The following CBR3 variants were observed in gnomAD, a reference collection of about 807,000 sequenced individuals.
CBR3 encodes the protein carbonyl reductase 3.
CBR3 carries 14 observed loss-of-function variants against 11.6 expected under a neutral mutation model. The ratio of observed to expected loss-of-function variants is 1.20; its 90% CI spans 0.79 to 1.88. CBR3 has a LOEUF of 1.88. Among genes scored for constraint, CBR3 ranks in the 40% most tolerant of loss-of-function variants. The pLI is 0.00. For synonymous variants in CBR3, 125 were observed against 145.6 expected, an observed-to-expected ratio of 0.86 and a Z score of 1.02; for missense variants, 308 against 357.3, an observed-to-expected ratio of 0.86 and a Z score of 1.11.
In CBR3 at chr21:36,146,263, G is replaced by C; in HGVS notation, c.585G>C (p.Gly195=). The C allele has an allele frequency of 1.2e-6, 2 of 1,614,144 alleles. No individual in the cohort carries two copies. Among genetic ancestry groups the C allele is most frequent in the African/African-American group, 1.3e-5 (1 of 75,040 alleles). The part of the protein sequence containing the change: ...EREGWPNSPY[G]VSKLGVTVLS... ...AAGGCTGGCCCAACTCACCTTATGG[G>C]GTGTCCAAGTTGGGGGTCACGGTCT... is the stretch of plus-strand genomic sequence containing the variant. The change falls in exon 3 of 3, where the codon GGG becomes GGC. Residue 195 remains glycine (G), a synonymous_variant. Transcript: ENST00000290354.
At chr21:36,136,645 G>A (rs1056756419) in intron 1 of CBR3, among the ~76,000 whole-genome samples, 2 of 152,078 alleles carry the variant, frequency 1.3e-5, no homozygotes, top group East Asian at 1.9e-4. Context: ...TGCCTTTCAA[G>A]GTATGGGGAA....
Position 36,146,146 on chromosome 21 carries a change from A to G in CBR3, c.468A>G (p.Glu156=). The change falls in exon 3 of 3, where the codon GAA becomes GAG. Residue 156 remains glutamate (E), a synonymous_variant. Transcript: ENST00000290354. ...AFENCSEDLQ[E]RFHSETLTEG... ...AAAACTGCAGTGAAGATCTGCAGGA[A>G]AGGTTCCACAGTGAGACACTCACAG... The G allele has an allele frequency of 6.2e-7, 1 of 1,613,978 alleles. No homozygotes were observed. Among genetic ancestry groups the G allele is most frequent in the East Asian group, 2.2e-5 (1 of 44,870 alleles).
At chr21:36,141,842 AG>A (rs1364478721) in intron 2 of CBR3, 1 of 766,148 alleles carries the variant, frequency 1.3e-6, no homozygotes, top group African/African-American at 1.9e-5. Context: ...TCCCCTTAAG[AG>A]GATTTATTTC....
At chr21:36,143,266 G>A (rs780931276) in intron 2 of CBR3, among the ~76,000 whole-genome samples, 55 of 151,628 alleles carry the variant, frequency 3.6e-4, no homozygotes, top group Admixed American at 8.6e-4. Flanking sequence ...TCGCGCCACT[G>A]CACTCCAGCC....
intron 2 of CBR3, among the ~76,000 whole-genome samples, chr21:36,143,879 C>CA (rs35169663): frequency 0.01 from 933 of 91,828 alleles, 14 homozygotes; most frequent in Non-Finnish European, 0.012. Flanking sequence ...GATTCTGTCT[C>CA]AAAAAAAAAA....
intron 2 of CBR3, chr21:36,138,164 T>C (rs1325900876): frequency 2.2e-6 from 1 of 450,446 alleles, no homozygotes; most frequent in Admixed American, 3.6e-5. Context: ...GGGTGGGTGG[T>C]GGGAAGAAAT....
At chr21:36,137,503 A>AAAGAAAGG (rs1331218142) in intron 1 of CBR3, 25 of 189,200 alleles carry the variant, frequency 1.3e-4, no homozygotes, top group African/African-American at 5.6e-4. Flanking sequence ...GAAAAGAAAG[A>AAAGAAAGG]AAGGAAGGAA....
intron 2 of CBR3, 109 bp from the exon 3 acceptor site, chr21:36,145,960 CAAAAAAA>C: frequency 1.1e-5 from 5 of 451,106 alleles, no homozygotes; most frequent in South Asian, 2.5e-5. Flanking sequence ...GACTCTGTCT[CAAAAAAA>C]AAAAAAAAAA....
intron 2 of CBR3, among the ~76,000 whole-genome samples, chr21:36,142,208 G>A (rs992663799): frequency 6.6e-5 from 10 of 151,980 alleles, no homozygotes; most frequent in South Asian, 2.1e-4. Context: ...CAAGGCGGGC[G>A]GATCATGAGG....
At chr21:36,140,180 C>T (rs1481604175) in intron 2 of CBR3, among the ~76,000 whole-genome samples, 1 of 152,074 alleles carries the variant, frequency 6.6e-6, no homozygotes, top group Non-Finnish European at 1.5e-5. Flanking sequence ...TGAGCCACCG[C>T]ACTCAGACGC....
chr21:36,141,382 A>G (rs1568980784), intron 2 of CBR3: 1 of 152,156 alleles, frequency 6.6e-6, no homozygotes, highest in Non-Finnish European at 1.5e-5. Flanking sequence ...GTCATCTAAC[A>G]CAAAGCCTAT....
chr21:36,142,431 C>CAAAAAAAAAAAAAA (rs71326645), intron 2 of CBR3, among the ~76,000 whole-genome samples: 10,933 of 39,558 alleles, frequency 0.28, 1,923 homozygotes, highest in East Asian at 0.36. Flanking sequence ...GACTCCATCT[C>CAAAAAAAAAAAAAA]AAAAAAAAAA....
At chr21:36,135,689 C>A in intron 1 of CBR3, 1 of 534,488 alleles carries the variant, frequency 1.9e-6, no homozygotes, top group Non-Finnish European at 3.2e-6. Flanking sequence ...AACAGCGCGC[C>A]CCGCCCGCCG....
rs2065755697 is a variant in CBR3 at position 36,146,395 on chromosome 21, C to T, written c.717C>T (p.Asp239=). 7 of 1,614,164 alleles carry T rather than the reference C, an allele frequency of 4.3e-6. No individual in the cohort carries two copies. In the East Asian group the frequency reaches 1.3e-4, roughly 31 times the overall value. ...GPVKTDMDGK[D]SIRTVEEGAE... Reference sequence around the variant, plus strand: ...TGAAGACAGACATGGATGGGAAAGACAGCATCAGGACTGTGGAGGAGGGGG... The same window carrying T: ...TGAAGACAGACATGGATGGGAAAGATAGCATCAGGACTGTGGAGGAGGGGG... Residue 239 remains aspartate, a synonymous_variant, in exon 3 of 3, where the codon GAC becomes GAT. Coordinates refer to ENST00000290354, the MANE Select transcript of CBR3 (RefSeq NM_001236.4).
At chr21:36,141,969 CACA>C (rs1208110411) in intron 2 of CBR3, 8 of 964,244 alleles carry the variant, frequency 8.3e-6, no homozygotes, top group Non-Finnish European at 8.6e-6. Flanking sequence ...CAATGAAGAA[CACA>C]ACATCACTGA....
rs2065753763 is a variant in CBR3 at position 36,146,185 on chromosome 21, G to A, written c.507G>A (p.Val169=). 6.2e-7 allele frequency: 1 copy of A among 1,614,000 alleles called. No homozygotes were observed. The highest frequency in any genetic ancestry group is 8.5e-7 in the Non-Finnish European group (1 of 1,180,004). Reference sequence around the variant, plus strand: ...AGACACTCACAGAAGGAGACCTGGTGGATCTCATGAAAAAGTTTGTGGAGG... The same window carrying A: ...AGACACTCACAGAAGGAGACCTGGTAGATCTCATGAAAAAGTTTGTGGAGG... ...HSETLTEGDL[V]DLMKKFVEDT... Residue 169 remains valine (V), a synonymous_variant, in exon 3 of 3, where the codon GTG becomes GTA. Coordinates refer to ENST00000290354, the MANE Select transcript of CBR3 (RefSeq NM_001236.4).
At chr21:36,141,828 C>A in intron 2 of CBR3, 1 of 641,568 alleles carries the variant, frequency 1.6e-6, no homozygotes, top group Non-Finnish European at 1.9e-6. Context: ...AAGAGGACAC[C>A]TCCTCCCCTT....
chr21:36,144,134 T>G (rs1278929904), intron 2 of CBR3, among the ~76,000 whole-genome samples: 2 of 151,992 alleles, frequency 1.3e-5, no homozygotes, highest in Non-Finnish European at 2.9e-5. Flanking sequence ...ACTTGGAGTG[T>G]GTATGCTGGG....
At chr21:36,136,717 C>T (rs2065662715) in intron 1 of CBR3, among the ~76,000 whole-genome samples, 1 of 152,058 alleles carries the variant, frequency 6.6e-6, no homozygotes, top group Admixed American at 6.6e-5. Flanking sequence ...CGCCTTGCCC[C>T]ACACCTGCTG....
Sources: gnomAD v4.1 joint callset for allele counts (sites outside exome capture counted in the v4.1 genomes callset) on GRCh38, gnomAD v4.1.1 for gene constraint, MANE v1.5 for transcripts, NCBI Gene and HGNC (gene_info 2026-07-23, HGNC 2026-07-21) for gene names.